Variants in SUZ12 observed in about 807,000 individuals in gnomAD.
SUZ12 encodes polycomb protein SUZ12.
A neutral mutation model predicts 87.3 loss-of-function variants in SUZ12; 17 were observed. The observed-to-expected ratio is 0.19, with a 90% CI of 0.13 to 0.29. SUZ12 has a LOEUF of 0.29. Among genes scored for constraint, SUZ12 ranks in the 10% least tolerant of loss-of-function variants. SUZ12 has a pLI of 1.00. For missense variants in SUZ12, 526 were observed against 912.2 expected (o/e 0.58, Z 5.45); for synonymous variants, 253 against 312.4 (o/e 0.81, Z 2.01).
At chr17:31,987,715 G>C (rs1187078784) in intron 9 of SUZ12, among the ~76,000 whole-genome samples, 1 of 152,126 alleles carries the variant, frequency 6.6e-6, no homozygotes, top group Non-Finnish European at 1.5e-5. Context: ...CAAATCACCT[G>C]AGGTCAGGAG....
At position 31,978,679 on chromosome 17, in the gene SUZ12, A is replaced by C. The variant is rs148399706; in HGVS notation, c.917+2065A>C. Among the ~76,000 whole-genome samples, 577 of 152,312 alleles carry C rather than the reference A, an allele frequency of 3.8e-3. 3 individuals carry two copies. The highest frequency in any genetic ancestry group is 0.013 in the African/African-American group (556 of 41,554). ...TGTTCTATTTTAGGCAGCATGGGGT[A>C]TGTTCTATTTTCTTTTTTAATCACT... is the stretch of plus-strand genomic sequence containing the variant. On this transcript the variant is annotated intron_variant, in intron 8 of 15. Transcript: ENST00000322652.
intron 4 of SUZ12, chr17:31,963,976 C>G (rs1336388807): frequency 1.3e-5 from 2 of 152,144 alleles, no homozygotes; most frequent in African/African-American, 4.8e-5. Context: ...CCTTATAGTT[C>G]TACTCTTCCA....
At chr17:31,976,222 C>G (rs912489311) in intron 7 of SUZ12, among the ~76,000 whole-genome samples, 1 of 152,090 alleles carries the variant, frequency 6.6e-6, no homozygotes, top group African/African-American at 2.4e-5. Context: ...ATCTTTGACT[C>G]GAAGTATTGT....
At position 31,988,461 on chromosome 17, in the gene SUZ12, A is replaced by G. The variant is rs780785854; in HGVS notation, c.1165A>G (p.Asn389Asp). 5.6e-6 allele frequency: 9 copies of G among 1,609,194 alleles called. No individual in the cohort carries two copies. The highest frequency in any genetic ancestry group is 6.8e-6 in the Non-Finnish European group (8 of 1,178,754). ...TRNSESLHQENKPGSVKPTQT... is the reference protein window; with the variant it reads ...TRNSESLHQEDKPGSVKPTQT... Reference sequence around the variant, plus strand: ...AAATTCAGAGAGTCTCCATCAGGAAAACAAGCCTGGTTCAGTTAAACCTAC... The same window carrying G: ...AAATTCAGAGAGTCTCCATCAGGAAGACAAGCCTGGTTCAGTTAAACCTAC... Residue 389 changes from asparagine (N) to aspartate (D), a missense_variant, in exon 10 of 16, where the codon AAC (asparagine) becomes GAC (aspartate). Physicochemically the swap from Asn to Asp is conservative, Grantham distance 23. Transcript: ENST00000322652.
chr17:31,988,101 G>A (rs1417551932), intron 9 of SUZ12, among the ~76,000 whole-genome samples: 1 of 152,096 alleles, frequency 6.6e-6, no homozygotes. Flanking sequence ...ATCAGTGGTC[G>A]CCTCTTTTAG....
chr17:31,960,381 A>T (rs1293319979), intron 4 of SUZ12, among the ~76,000 whole-genome samples: 2 of 150,980 alleles, frequency 1.3e-5, no homozygotes, highest in Non-Finnish European at 3.0e-5. Flanking sequence ...CAGCTAATTT[A>T]TGTGTTTTTA....
In SUZ12 at chr17:31,937,184, C is replaced by T. The variant is rs925272721; in HGVS notation, c.-63C>T. Reference sequence around the variant, plus strand: ...CTGCTGGGGCGAGCGGTTGGTATTGCAGGCGCTTGCTCTCCGGGGCCGCCC... The same window carrying T: ...CTGCTGGGGCGAGCGGTTGGTATTGTAGGCGCTTGCTCTCCGGGGCCGCCC... On this transcript the variant is annotated 5_prime_UTR_variant, in exon 1 of 16. Coordinates refer to ENST00000322652, the MANE Select transcript of SUZ12 (RefSeq NM_015355.4). 116 of 1,357,120 alleles carry T rather than the reference C, an allele frequency of 8.5e-5. No homozygotes were observed. The highest frequency in any genetic ancestry group is 1.0e-4 in the Non-Finnish European group (109 of 1,056,850). 84.1% of individuals were successfully genotyped at this position (1,357,120 alleles called of 1,614,324 possible). A position where few individuals can be genotyped will look rare whatever the true frequency, so the allele number is the denominator to read the frequency against.
At chr17:31,953,886 G>C (rs568791893) in intron 4 of SUZ12, among the ~76,000 whole-genome samples, 2 of 151,590 alleles carry the variant, frequency 1.3e-5, no homozygotes, top group East Asian at 2.0e-4. Context: ...GCTAATTTTT[G>C]TATTTTTAGT....
At chr17:31,956,378 G>T (rs1480897651) in intron 4 of SUZ12, among the ~76,000 whole-genome samples, 1 of 152,128 alleles carries the variant, frequency 6.6e-6, no homozygotes, top group African/African-American at 2.4e-5. Flanking sequence ...TGTTTTAGTA[G>T]AGATGGGGTT....
chr17:31,963,386 ACCCGCCTCATCTCCCAT>A (rs1266984444), intron 4 of SUZ12, among the ~76,000 whole-genome samples: 7 of 151,736 alleles, frequency 4.6e-5, no homozygotes, highest in African/African-American at 1.2e-4. Context: ...CTCGTGATCC[ACCCGCCTCATCTCCCAT>A]CCCGCCTCAT....
intron 6 of SUZ12, among the ~76,000 whole-genome samples, chr17:31,973,467 G>A (rs1329489066): frequency 6.6e-6 from 1 of 152,174 alleles, no homozygotes; most frequent in East Asian, 1.9e-4. Flanking sequence ...TCTGGAAATG[G>A]AGAAGCTATG....
chr17:31,957,293 G>GCC (rs1196358297), intron 4 of SUZ12, among the ~76,000 whole-genome samples: 1 of 151,110 alleles, frequency 6.6e-6, no homozygotes, highest in Non-Finnish European at 1.5e-5. Flanking sequence ...AGGCTGTAGT[G>GCC]CAGTGGTGTG....
intron 4 of SUZ12, among the ~76,000 whole-genome samples, chr17:31,948,765 A>G (rs981268799): frequency 9.2e-5 from 14 of 152,342 alleles, no homozygotes; most frequent in Non-Finnish European, 1.3e-4. Context: ...CCTGACTTGT[A>G]AATAAACTGT....
chr17:31,944,650 G>C (rs1489367302), intron 3 of SUZ12, among the ~76,000 whole-genome samples: 1 of 152,048 alleles, frequency 6.6e-6, no homozygotes, highest in Non-Finnish European at 1.5e-5. Flanking sequence ...GTCCCACCTA[G>C]TTTAGTTCCT....
At chr17:31,998,300 TG>T (rs1910088075) in intron 15 of SUZ12, among the ~76,000 whole-genome samples, 1 of 152,026 alleles carries the variant, frequency 6.6e-6, no homozygotes, top group Non-Finnish European at 1.5e-5. Flanking sequence ...AGGATGGTCT[TG>T]ATCTCCTGAT....
At chr17:31,966,356 G>A in intron 5 of SUZ12, 160 bp downstream of exon 5, 2 of 686,792 alleles carry the variant, frequency 2.9e-6, no homozygotes, top group South Asian at 3.8e-5. Flanking sequence ...GGCTAATGAT[G>A]AAATTTGTTT....
intron 4 of SUZ12, among the ~76,000 whole-genome samples, chr17:31,963,522 G>C (rs1907878908): frequency 6.9e-6 from 1 of 145,894 alleles, no homozygotes. Flanking sequence ...TTTTGAGACA[G>C]AGTCTCACTC....
rs914046588 is a variant in SUZ12, at chr17:31,999,908, T to A, written c.*905T>A. On this transcript the variant is annotated 3_prime_UTR_variant, in exon 16 of 16. Transcript: ENST00000322652. ...TCACTTATAAGGGGAGAAGTGTTCTTAAAAAGTCAACCAGAAAACTGTTAT... is the reference window on the plus strand; with the variant it reads ...TCACTTATAAGGGGAGAAGTGTTCTAAAAAAGTCAACCAGAAAACTGTTAT... The A allele has an allele frequency of 1.3e-4, 30 of 232,708 alleles. No individual in the cohort carries two copies. Among genetic ancestry groups the A allele is most frequent in the Admixed American group, 5.6e-5 (1 of 17,770 alleles). 14.4% of individuals were successfully genotyped at this position (232,708 alleles called of 1,614,324 possible). A position where few individuals can be genotyped will look rare whatever the true frequency, so the allele number is the denominator to read the frequency against.
intron 8 of SUZ12, among the ~76,000 whole-genome samples, chr17:31,981,187 G>GAAATTATTTTCA (rs1262093405): frequency 6.6e-6 from 1 of 152,150 alleles, no homozygotes; most frequent in Non-Finnish European, 1.5e-5. Flanking sequence ...AAGATGGGGA[G>GAAATTATTTTCA]AAATTATTTT....
Sources: gnomAD v4.1 joint callset for allele counts (sites outside exome capture counted in the v4.1 genomes callset) on GRCh38, gnomAD v4.1.1 for gene constraint, MANE v1.5 for transcripts, NCBI Gene and HGNC (gene_info 2026-07-23, HGNC 2026-07-21) for gene names.